ANO5: variants seen among roughly 807,000 people sequenced by gnomAD.
ANO5 encodes anoctamin-5.
Under a neutral mutation model 121.0 loss-of-function variants are expected in ANO5, and 109 were observed. The observed-to-expected ratio is 0.90, with a 90% CI of 0.77 to 1.06. The LOEUF (loss-of-function observed/expected upper bound fraction) is 1.06. ANO5 is among the 50% of genes least tolerant of loss of function. The probability of loss-of-function intolerance (pLI) is 0.00; values close to 1 mark genes in which losing one functional copy is unlikely to be tolerated. For missense variants in ANO5, 1,064 were observed against 1,078.5 expected, an observed-to-expected ratio of 0.99 and a Z score of 0.19; for synonymous variants, 406 against 359.9, an observed-to-expected ratio of 1.13 and a Z score of -1.45.
At chr11:22,247,409 G>T (rs1853662175) in intron 9 of ANO5, among the ~76,000 whole-genome samples, 2 of 149,796 alleles carry the variant, frequency 1.3e-5, no homozygotes, top group Admixed American at 6.6e-5. Flanking sequence ...TAATTTAGAT[G>T]GATATAAGAT....
intron 3 of ANO5, among the ~76,000 whole-genome samples, chr11:22,213,355 A>G (rs1343159793): frequency 6.6e-6 from 1 of 151,482 alleles, no homozygotes; most frequent in Non-Finnish European, 1.5e-5. Flanking sequence ...AGTTTCATGT[A>G]CTTCTTTTGA....
intron 2 of ANO5, among the ~76,000 whole-genome samples, chr11:22,210,521 C>T (rs1471775251): frequency 1.3e-5 from 2 of 151,846 alleles, no homozygotes; most frequent in Non-Finnish European, 2.9e-5. Flanking sequence ...ACATGAATTT[C>T]CGATCATTTC....
intron 9 of ANO5, among the ~76,000 whole-genome samples, chr11:22,248,396 A>G (rs1245188760): frequency 6.6e-6 from 1 of 152,064 alleles, no homozygotes; most frequent in Admixed American, 6.6e-5. Flanking sequence ...AGAGTGTCTC[A>G]TGTTATTAGA....
At chr11:22,246,460 A>T (rs1190791007) in intron 9 of ANO5, among the ~76,000 whole-genome samples, 2 of 152,054 alleles carry the variant, frequency 1.3e-5, no homozygotes, top group Admixed American at 1.3e-4. Flanking sequence ...ATGATACTGA[A>T]GGCCTGTATT....
At chr11:22,194,994 A>G (rs1397610974) in intron 1 of ANO5, among the ~76,000 whole-genome samples, 2 of 152,166 alleles carry the variant, frequency 1.3e-5, no homozygotes, top group Non-Finnish European at 2.9e-5. Context: ...TATATTGAAC[A>G]TTTTAAGAAA....
intron 3 of ANO5, among the ~76,000 whole-genome samples, chr11:22,213,262 T>A (rs530913583): frequency 1.3e-5 from 2 of 152,040 alleles, no homozygotes; most frequent in Admixed American, 1.3e-4. Flanking sequence ...TCCCCTAAGA[T>A]CCTTTTCCTA....
In ANO5 at chr11:22,281,043, C is replaced by G. The variant is rs1349914248; in HGVS notation, c.*1278C>G. The G allele has an allele frequency of 1.3e-5, 2 of 151,762 alleles. No homozygotes were observed. Among genetic ancestry groups the G allele is most frequent in the African/African-American group, 2.4e-5 (1 of 41,354 alleles). The allele number at this position is 151,762 out of a possible 1,614,324, so 9.4% of individuals were successfully genotyped here. A position where few individuals can be genotyped will look rare whatever the true frequency, so the allele number is the denominator to read the frequency against. ...GGCTTGTGTTACATGCACAAAAATC[C>G]TTGTTCTGTTTTCACTTAAAAAAAC... On this transcript the variant is annotated 3_prime_UTR_variant, in exon 22 of 22. Transcript: ENST00000324559.
Position 22,193,401 on chromosome 11 carries a change from G to T in ANO5, c.-92G>T, listed in dbSNP as rs1590202541. The T allele has an allele frequency of 1.3e-6, 2 of 1,550,626 alleles. No individual in the cohort carries two copies. Among genetic ancestry groups the T allele is most frequent in the East Asian group, 4.8e-5 (2 of 41,438 alleles). ...CAGCAACTCCGGCGGCCCACAGTCAGATTCAGCACCTGCCTCAGATCTCCA... is the reference window on the plus strand; with the variant it reads ...CAGCAACTCCGGCGGCCCACAGTCATATTCAGCACCTGCCTCAGATCTCCA... On this transcript the variant is annotated 5_prime_UTR_variant, in exon 1 of 22. Coordinates refer to ENST00000324559, the MANE Select transcript of ANO5 (RefSeq NM_213599.3).
chr11:22,250,763 A>C lies in ANO5; in HGVS notation c.1036A>C (p.Ile346Leu), dbSNP rs146233625. ...TSSTEICDPE[I>L]GGQMIMCPLC... ...CAGCACTGAAATCTGTGACCCTGAG[A>C]TTGGTGGTCAGATGATCATGTGCCC... The change falls in exon 11 of 22, where the codon ATT (isoleucine) becomes CTT (leucine). Residue 346 changes from isoleucine (I) to leucine (L), a missense_variant. Physicochemically the swap from Ile to Leu is conservative, Grantham distance 5. Coordinates refer to ENST00000324559, the MANE Select transcript of ANO5 (RefSeq NM_213599.3). 33 of 1,613,894 alleles carry C rather than the reference A, an allele frequency of 2.0e-5. No homozygotes were observed. In the African/African-American group the frequency reaches 4.0e-4, roughly 20 times the overall value.
At chr11:22,209,702 A>G (rs1208173959) in intron 2 of ANO5, among the ~76,000 whole-genome samples, 4 of 151,950 alleles carry the variant, frequency 2.6e-5, no homozygotes, top group Non-Finnish European at 5.9e-5. Flanking sequence ...TGACATACTC[A>G]GCAAAATGAA....
chr11:22,226,465 G>GT (rs1405581562), intron 6 of ANO5, among the ~76,000 whole-genome samples: 1 of 151,954 alleles, frequency 6.6e-6, no homozygotes, highest in African/African-American at 2.4e-5. Context: ...TTTATTTACT[G>GT]TTTTTCTAGA....
Position 22,218,140 on chromosome 11 carries a change from C to T in ANO5, c.139-106C>T, listed in dbSNP as rs528513933. 1.4e-5 allele frequency: 17 copies of T among 1,245,366 alleles called. No homozygotes were observed. The South Asian group carries it at 2.1e-4, about 15-fold the overall frequency. 77.1% of individuals were successfully genotyped at this position (1,245,366 alleles called of 1,614,324 possible). ...TCACACACACACACACACACACACA[C>T]TTATAAAATGATCATACCAAGGGTT... On this transcript the variant is annotated intron_variant, in intron 3 of 21. Transcript: ENST00000324559.
intron 9 of ANO5, among the ~76,000 whole-genome samples, chr11:22,241,129 G>T (rs566373829): frequency 6.6e-6 from 1 of 151,802 alleles, no homozygotes; most frequent in South Asian, 2.1e-4. Context: ...TGCCACCCAA[G>T]TAGTGAGCAT....
chr11:22,249,889 G>T (rs577146163), intron 9 of ANO5, among the ~76,000 whole-genome samples: 1 of 152,150 alleles, frequency 6.6e-6, no homozygotes. Context: ...AGAATATTCT[G>T]TAGTTTATTT....
In ANO5 at chr11:22,255,348, TTTATATATTTATTTACCTATAGTCACC is replaced by T; in HGVS notation, c.1181-18_1189del. 6.5e-7 allele frequency: 1 copy of T among 1,531,594 alleles called. No individual in the cohort carries two copies. Among genetic ancestry groups the T allele is most frequent in the Non-Finnish European group, 8.8e-7 (1 of 1,136,390 alleles). 94.9% of individuals were successfully genotyped at this position (1,531,594 alleles called of 1,614,324 possible). Reference sequence around the variant, plus strand: ...TTTTTAACTTTTTTAATATCTTTTTTTTATATATTTATTTACCTATAGTCACCTTATTTTTGGAGTTTTGGAAACAAC... The same window carrying T: ...TTTTTAACTTTTTTAATATCTTTTTTTTATTTTTGGAGTTTTGGAAACAAC... On this transcript the variant is annotated splice_acceptor_variant and splice_polypyrimidine_tract_variant and coding_sequence_variant and intron_variant, in exon 13 of 22. Coordinates refer to ENST00000324559, the MANE Select transcript of ANO5 (RefSeq NM_213599.3). LOFTEE classifies it high-confidence loss of function.
At chr11:22,232,424 TC>T (rs750116664) in intron 7 of ANO5, among the ~76,000 whole-genome samples, 1 of 151,922 alleles carries the variant, frequency 6.6e-6, no homozygotes, top group Non-Finnish European at 1.5e-5. Context: ...TTGATCTGAG[TC>T]CTTTATTCAT....
intron 8 of ANO5, among the ~76,000 whole-genome samples, chr11:22,238,081 T>A (rs924941638): frequency 6.6e-6 from 1 of 152,232 alleles, no homozygotes; most frequent in Non-Finnish European, 1.5e-5. Context: ...CTGCTGTTGG[T>A]TAGATTTGTG....
intron 9 of ANO5, among the ~76,000 whole-genome samples, chr11:22,240,108 AT>A (rs1344093929): frequency 6.6e-6 from 1 of 152,040 alleles, no homozygotes; most frequent in Non-Finnish European, 1.5e-5. Flanking sequence ...TGTTTAATAC[AT>A]ATTAGTTTTT....
At chr11:22,226,371 A>G (rs1369690631) in intron 6 of ANO5, among the ~76,000 whole-genome samples, 1 of 152,140 alleles carries the variant, frequency 6.6e-6, no homozygotes, top group Non-Finnish European at 1.5e-5. Context: ...ATAATTAACC[A>G]GGCTGTCTTG....
Sources: gnomAD v4.1 joint callset for allele counts (sites outside exome capture counted in the v4.1 genomes callset) on GRCh38, gnomAD v4.1.1 for gene constraint, MANE v1.5 for transcripts, NCBI Gene and HGNC (gene_info 2026-07-23, HGNC 2026-07-21) for gene names.